Variants in KANSL1L observed in about 807,000 individuals in gnomAD.
The protein encoded by KANSL1L is KAT8 regulatory NSL complex subunit 1 like, also known as KAT8 regulatory NSL complex subunit 1-like protein.
KANSL1L carries 25 observed loss-of-function variants against 108.6 expected under a neutral mutation model. The ratio of observed to expected loss-of-function variants is 0.23; its 90% CI spans 0.17 to 0.32. The LOEUF (loss-of-function observed/expected upper bound fraction) is 0.32. Among genes scored for constraint, KANSL1L ranks in the 10% least tolerant of loss-of-function variants. KANSL1L has a pLI of 1.00. For synonymous variants in KANSL1L, 405 were observed against 395.1 expected (o/e 1.03, Z -0.30); for missense variants, 1,137 against 1,125.7 (o/e 1.01, Z -0.14).
At chr2:210,155,513 C>T (rs1382486891) in intron 1 of KANSL1L, among the ~76,000 whole-genome samples, 1 of 152,314 alleles carries the variant, frequency 6.6e-6, no homozygotes, top group Non-Finnish European at 1.5e-5. Flanking sequence ...TGCAATGTCT[C>T]CTCTAAACGT....
chr2:210,038,484 TA>T (rs1403898285), intron 8 of KANSL1L, among the ~76,000 whole-genome samples: 1 of 152,058 alleles, frequency 6.6e-6, no homozygotes, highest in Non-Finnish European at 1.5e-5. Flanking sequence ...TTAAAATCAT[TA>T]ATGTTGCAGG....
intron 3 of KANSL1L, among the ~76,000 whole-genome samples, chr2:210,112,396 A>T (rs2094915931): frequency 6.6e-6 from 1 of 152,228 alleles, no homozygotes; most frequent in African/African-American, 2.4e-5. Context: ...AAATAATCAC[A>T]TTGACAGTAG....
chr2:210,143,288 T>C (rs1433862042), intron 2 of KANSL1L, among the ~76,000 whole-genome samples: 1 of 152,114 alleles, frequency 6.6e-6, no homozygotes, highest in Non-Finnish European at 1.5e-5. Flanking sequence ...TCCATTTGCA[T>C]GGAATACCAT....
chr2:210,157,473 T>C lies in KANSL1L; in HGVS notation c.-29-2862A>G, dbSNP rs186633709. Among the ~76,000 whole-genome samples, 8 of 152,010 alleles carry C rather than the reference T, an allele frequency of 5.3e-5. No homozygotes were observed. The East Asian group carries it at 5.8e-4, about 11-fold the overall frequency. The stretch of plus-strand genomic sequence containing the variant: ...CACTTTGGGAAGTCAAGGTGAAGGA[T>C]TGCTGGAGCCCTGGAGTTCGAGACC... On this transcript the variant is annotated intron_variant, in intron 1 of 14. Transcript: ENST00000281772.
Position 210,094,787 on chromosome 2 carries a change from T to C in KANSL1L, c.1550+3299A>G, listed in dbSNP as rs185531065. On this transcript the variant is annotated intron_variant, in intron 5 of 14. Coordinates refer to ENST00000281772, the MANE Select transcript of KANSL1L (RefSeq NM_152519.4). ...CTTAACTAGTTTTATAAGCATTAAT[T>C]AAGTACTTTTCATTATAAACATATT... Among the ~76,000 whole-genome samples, 209 of 152,000 alleles carry C rather than the reference T, an allele frequency of 1.4e-3. 2 individuals carry two copies. Among genetic ancestry groups the C allele is most frequent in the Non-Finnish European group, 1.7e-3 (118 of 67,924 alleles).
chr2:210,079,560 T>C (rs1167048314), intron 5 of KANSL1L, among the ~76,000 whole-genome samples: 1 of 139,668 alleles, frequency 7.2e-6, no homozygotes, highest in Non-Finnish European at 1.5e-5. Context: ...TGAGCCCCTG[T>C]AGCCTGGGCA....
In KANSL1L at chr2:210,165,554, T is replaced by G. The variant is rs557626645; in HGVS notation, c.-30+5595A>C. Among the ~76,000 whole-genome samples, 4 of 152,282 alleles carry G rather than the reference T, an allele frequency of 2.6e-5. No homozygotes were observed. The South Asian group carries it at 6.2e-4, about 24-fold the overall frequency. On this transcript the variant is annotated intron_variant, in intron 1 of 14. Coordinates refer to ENST00000281772, the MANE Select transcript of KANSL1L (RefSeq NM_152519.4). The stretch of plus-strand genomic sequence containing the variant: ...TTAAATCTACACCATAAATTCTAAT[T>G]TTTAGACTACAATTTAATCCAAAGA...
intron 3 of KANSL1L, among the ~76,000 whole-genome samples, chr2:210,104,589 TAAA>T (rs1276558942): frequency 1.3e-5 from 2 of 152,066 alleles, no homozygotes; most frequent in Admixed American, 6.6e-5. Flanking sequence ...CATATTAAAA[TAAA>T]AAAAGGCATA....
intron 6 of KANSL1L, among the ~76,000 whole-genome samples, chr2:210,051,818 A>C (rs776401318): frequency 2.0e-5 from 3 of 152,096 alleles, no homozygotes; most frequent in African/African-American, 7.2e-5. Flanking sequence ...TTAATTCACA[A>C]TGCTCAAAAG....
At chr2:210,144,412 C>T (rs2095251570) in intron 2 of KANSL1L, among the ~76,000 whole-genome samples, 1 of 152,164 alleles carries the variant, frequency 6.6e-6, no homozygotes, top group South Asian at 2.1e-4. Context: ...TCTACCCCTT[C>T]TCTCTTCTAC....
intron 2 of KANSL1L, among the ~76,000 whole-genome samples, chr2:210,137,901 C>A (rs1301639517): frequency 6.6e-6 from 1 of 151,956 alleles, no homozygotes; most frequent in Non-Finnish European, 1.5e-5. Flanking sequence ...CATGGTGGTG[C>A]ATACCTGTAG....
At chr2:210,130,205 C>G (rs2095108033) in intron 2 of KANSL1L, among the ~76,000 whole-genome samples, 1 of 152,136 alleles carries the variant, frequency 6.6e-6, no homozygotes, top group Admixed American at 6.5e-5. Context: ...AACAAATACA[C>G]CACTCTGTTG....
At position 210,067,716 on chromosome 2, in the gene KANSL1L, CAAAA is replaced by C. The variant is rs569072484; in HGVS notation, c.1755+7832_1755+7835del. ...GAGTGACAGAGTGAGACCCTGTCTCCAAAAAAAAAAAAAAAAAAAAAAAAAAAAT... is the reference window on the plus strand; with the variant it reads ...GAGTGACAGAGTGAGACCCTGTCTCCAAAAAAAAAAAAAAAAAAAAAAAAT... On this transcript the variant is annotated intron_variant, in intron 6 of 14. Coordinates refer to ENST00000281772, the MANE Select transcript of KANSL1L (RefSeq NM_152519.4). Among the ~76,000 whole-genome samples, 13 of 92,920 alleles carry C rather than the reference CAAAA, an allele frequency of 1.4e-4. 1 individual carries two copies. The highest frequency in any genetic ancestry group is 5.1e-4 in the African/African-American group (11 of 21,746). The allele number at this position is 92,920 out of a possible 152,430, so 61.0% of individuals were successfully genotyped here. A position where few individuals can be genotyped will look rare whatever the true frequency, so the allele number is the denominator to read the frequency against.
chr2:210,075,481 A>G (rs1332692773), intron 6 of KANSL1L, 71 bp downstream of exon 6: 6 of 988,610 alleles, frequency 6.1e-6, no homozygotes, highest in East Asian at 2.4e-5. Flanking sequence ...ATAACAATCT[A>G]CATCTTCTCA....
chr2:210,152,471 T>C (rs769654589), intron 2 of KANSL1L: 1 of 152,218 alleles, frequency 6.6e-6, no homozygotes, highest in Non-Finnish European at 1.5e-5. Context: ...GTCTGTAGTG[T>C]TATCACGGTG....
At chr2:210,103,904 T>C (rs1001046457) in intron 4 of KANSL1L, 200 bp downstream of exon 4, 2 of 324,016 alleles carry the variant, frequency 6.2e-6, no homozygotes, top group Non-Finnish European at 1.1e-5. Context: ...TTACATATTA[T>C]ATTTAAATAA....
Position 210,030,455 on chromosome 2 carries a change from TAGA to T in KANSL1L, c.2156-540_2156-538del, listed in dbSNP as rs562181113. ...TTCTCATATCTCTCAGGATATTGAT[TAGA>T]AGTTTACTTCTGTTAGTATTTTCTG... is the stretch of plus-strand genomic sequence containing the variant. On this transcript the variant is annotated intron_variant, in intron 9 of 14. Coordinates refer to ENST00000281772, the MANE Select transcript of KANSL1L (RefSeq NM_152519.4). Among the ~76,000 whole-genome samples the T allele has an allele frequency of 1.0e-3, 159 of 151,784 alleles. 1 individual carries two copies. The highest frequency in any genetic ancestry group is 3.7e-3 in the African/African-American group (154 of 41,514).
rs780304739 is a variant in KANSL1L, at chr2:210,059,607, A to C, written c.1756-15503T>G. Reference sequence around the variant, plus strand: ...AATATGTTATACATGCTATAAATTTATCTCTCCAGTCAACCTATAGAAGTC... The same window carrying C: ...AATATGTTATACATGCTATAAATTTCTCTCTCCAGTCAACCTATAGAAGTC... On this transcript the variant is annotated intron_variant, in intron 6 of 14. Transcript: ENST00000281772. Among the ~76,000 whole-genome samples, 9 of 152,242 alleles carry C rather than the reference A, an allele frequency of 5.9e-5. No homozygotes were observed. In the South Asian group the frequency reaches 1.0e-3, roughly 17 times the overall value.
intron 6 of KANSL1L, among the ~76,000 whole-genome samples, chr2:210,074,416 A>G (rs2094528333): frequency 6.6e-6 from 1 of 152,206 alleles, no homozygotes; most frequent in Non-Finnish European, 1.5e-5. Flanking sequence ...TATAAAAAGA[A>G]CATGGGCTTT....
Sources: allele counts gnomAD v4.1 joint callset (sites outside exome capture counted in the v4.1 genomes callset), GRCh38; gene constraint gnomAD v4.1.1; transcripts MANE v1.5; gene names NCBI Gene and HGNC (gene_info 2026-07-23, HGNC 2026-07-21).